The following C2CD3 variants were observed in gnomAD, a reference collection of about 807,000 sequenced individuals.
C2CD3 encodes the protein C2 domain containing 3 centriole elongation regulator.
In C2CD3, 148 loss-of-function variants were observed where a neutral mutation model predicts 234.0. The observed-to-expected ratio is 0.63, with a 90% CI of 0.55 to 0.72. The LOEUF (loss-of-function observed/expected upper bound fraction) is 0.72, where lower values mean the gene tolerates loss of function less well. Ranked by LOEUF, C2CD3 falls within the 30% of genes least tolerant of loss-of-function variation. The probability of loss-of-function intolerance (pLI) is 0.00; values close to 1 mark genes in which losing one functional copy is unlikely to be tolerated. For synonymous variants in C2CD3, 1,000 were observed against 1,035.4 expected (o/e 0.97, Z 0.66); for missense variants, 2,577 against 2,811.5 (o/e 0.92, Z 1.89).
Position 74,034,117 on chromosome 11 carries a change from C to T in C2CD3, c.6043G>A (p.Gly2015Ser), listed in dbSNP as rs1565212264. Reference protein sequence around the residue: ...DEPLVRAPDKGTDSPSPPPLE... With the variant: ...DEPLVRAPDKSTDSPSPPPLE... The stretch of plus-strand genomic sequence containing the variant: ...GGAGGGGGTGATGGGGAATCTGTGC[C>T]TTTATCTGGAGCTCTTACCAATGGC... The change falls in exon 31 of 33, where the codon GGC becomes AGC. Residue 2015 changes from glycine (G) to serine (S), a missense_variant. Coordinates refer to ENST00000334126, the MANE Select transcript of C2CD3 (RefSeq NM_001286577.2). 1 of 1,536,040 alleles carries T rather than the reference C, an allele frequency of 6.5e-7. No individual in the cohort carries two copies. Among genetic ancestry groups the T allele is most frequent in the Admixed American group, 2.0e-5 (1 of 50,974 alleles).
At position 74,164,938 on chromosome 11, in the gene C2CD3, G is replaced by C. The variant is rs1450780447; in HGVS notation, c.326-3382C>G. ...ATACAAAAATTAGGTGAGTGTCGTG[G>C]CATGTGCTTATATTCCCAGTTGCTC... On this transcript the variant is annotated intron_variant, in intron 2 of 32. Coordinates refer to ENST00000334126, the MANE Select transcript of C2CD3 (RefSeq NM_001286577.2). 3.3e-5 allele frequency: 5 copies of C among 152,106 alleles called. No homozygotes were observed. In the East Asian group the frequency reaches 7.7e-4, roughly 23 times the overall value. The allele number at this position is 152,106 out of a possible 1,614,324, so 9.4% of individuals were successfully genotyped here.
intron 13 of C2CD3, among the ~76,000 whole-genome samples, chr11:74,105,836 A>G (rs930665541): frequency 6.6e-6 from 1 of 152,148 alleles, no homozygotes; most frequent in Non-Finnish European, 1.5e-5. Context: ...TTCTCCACAC[A>G]GTAATCTTGT....
At chr11:74,085,542 A>G (rs1955602048) in intron 21 of C2CD3, 76 bp downstream of exon 21, 9 of 1,438,852 alleles carry the variant, frequency 6.3e-6, no homozygotes, top group Non-Finnish European at 8.7e-6. Context: ...TGCAGTATGT[A>G]TCTCCTAGGA....
intron 5 of C2CD3, among the ~76,000 whole-genome samples, chr11:74,136,278 T>G (rs181287899): frequency 1.3e-5 from 2 of 152,264 alleles, no homozygotes; most frequent in Admixed American, 6.5e-5. Flanking sequence ...TCAGACCGAG[T>G]TGAAATCTAC....
chr11:74,092,871 T>G (rs991412949), intron 18 of C2CD3, among the ~76,000 whole-genome samples: 1 of 152,182 alleles, frequency 6.6e-6, no homozygotes, highest in Admixed American at 6.5e-5. Flanking sequence ...AAAGCTTCCA[T>G]CTTGCAGCAG....
chr11:74,078,401 G>T lies in C2CD3; in HGVS notation c.4317C>A (p.Tyr1439Ter). Residue 1439 changes from tyrosine (Y) to a stop codon, truncating the protein, a stop_gained, in exon 23 of 33, where the codon TAC (tyrosine) becomes TAA (stop). Transcript: ENST00000334126. LOFTEE classifies it high-confidence loss of function. ...AAAAGGCTTCATGATCATAGAACTTGTAGCGAAGGTAGCAATATGTATTCT... is the reference window on the plus strand; with the variant it reads ...AAAAGGCTTCATGATCATAGAACTTTTAGCGAAGGTAGCAATATGTATTCT... ...IHKNTYCYLR[Y>*]KFYDHEAFWT... 1 of 1,614,178 alleles carries T rather than the reference G, an allele frequency of 6.2e-7. No individual in the cohort carries two copies. The highest frequency in any genetic ancestry group is 8.5e-7 in the Non-Finnish European group (1 of 1,180,026).
intron 3 of C2CD3, among the ~76,000 whole-genome samples, chr11:74,158,666 G>A (rs183157219): frequency 7.2e-4 from 110 of 151,850 alleles, no homozygotes; most frequent in African/African-American, 2.4e-3. Context: ...AGGTTGTGGG[G>A]AGCCGAGATG....
chr11:74,165,582 T>G (rs1456998889), intron 2 of C2CD3, among the ~76,000 whole-genome samples: 2 of 152,124 alleles, frequency 1.3e-5, no homozygotes, highest in Non-Finnish European at 2.9e-5. Flanking sequence ...ATAGCATACT[T>G]TTTCCAAGTT....
chr11:74,073,112 C>T (rs1344486984), intron 24 of C2CD3, among the ~76,000 whole-genome samples: 1 of 152,082 alleles, frequency 6.6e-6, no homozygotes, highest in Admixed American at 6.5e-5. Context: ...GTGCCATGGA[C>T]TCTGGCAATC....
rs1374071307 is a variant in C2CD3, at chr11:74,033,922, C to T, written c.6238G>A (p.Val2080Met). The change falls in exon 31 of 33, where the codon GTG (valine) becomes ATG (methionine). Residue 2080 changes from valine (V) to methionine (M), a missense_variant. By Grantham distance (21) the Val-to-Met change is conservative (BLOSUM62 1). Coordinates refer to ENST00000334126, the MANE Select transcript of C2CD3 (RefSeq NM_001286577.2). ...GACCAAGGGCTAGTTTTGTCTGTCA[C>T]CGTGGTGATCTCATTTAAGGTCCTG... ...EPRTLNEITTVTDKTSPWSSV... is the reference protein window; with the variant it reads ...EPRTLNEITTMTDKTSPWSSV... 2 of 1,536,104 alleles carry T rather than the reference C, an allele frequency of 1.3e-6. No homozygotes were observed. The highest frequency in any genetic ancestry group is 2.7e-5 in the African/African-American group (2 of 73,010).
chr11:74,030,659 G>T (rs1465174474), intron 31 of C2CD3, among the ~76,000 whole-genome samples: 1 of 152,092 alleles, frequency 6.6e-6, no homozygotes, highest in Non-Finnish European at 1.5e-5. Context: ...CTGTGTGTTT[G>T]GTTCCCCCTT....
At chr11:74,092,043 T>C (rs1387445172) in intron 19 of C2CD3, among the ~76,000 whole-genome samples, 2 of 151,556 alleles carry the variant, frequency 1.3e-5, no homozygotes, top group African/African-American at 2.4e-5. Flanking sequence ...TGTGTGTGTG[T>C]GTGTATATAT....
In C2CD3 at chr11:74,063,373, T is replaced by C. The variant is rs182877416; in HGVS notation, c.4952-5829A>G. Among the ~76,000 whole-genome samples the C allele has an allele frequency of 9.4e-3, 1,436 of 152,050 alleles. 18 individuals are homozygous for C. Among genetic ancestry groups the C allele is most frequent in the African/African-American group, 0.032 (1,347 of 41,468 alleles). ...TCCCTGATGAACATCAATGCAAAAA[T>C]CCTCAATAAAATACTGGCAAACCGA... is the stretch of plus-strand genomic sequence containing the variant. On this transcript the variant is annotated intron_variant, in intron 24 of 32. Transcript: ENST00000334126.
At position 74,033,497 on chromosome 11, in the gene C2CD3, A is replaced by C; in HGVS notation, c.6663T>G (p.Ser2221=). The C allele has an allele frequency of 6.5e-7, 1 of 1,536,212 alleles. No homozygotes were observed. Among genetic ancestry groups the C allele is most frequent in the Non-Finnish European group, 8.7e-7 (1 of 1,146,916 alleles). ...GCGGCAACTTCTTGAAGCTATCAGC[A>C]GAGTCACCGAGCTCACTGGTGGCAG... is the stretch of plus-strand genomic sequence containing the variant. ...NEAATSELGD[S]ADSFKKLPLN... The change falls in exon 31 of 33, where the codon TCT becomes TCG. Residue 2221 remains serine (S), a synonymous_variant. Transcript: ENST00000334126.
chr11:74,017,330 CA>C (rs1951916109), intron 32 of C2CD3, among the ~76,000 whole-genome samples: 1 of 152,180 alleles, frequency 6.6e-6, no homozygotes, highest in South Asian at 2.1e-4. Flanking sequence ...GGCAGTAGGC[CA>C]GGGGCTTTCA....
At chr11:74,059,294 C>T (rs1803679338) in intron 24 of C2CD3, among the ~76,000 whole-genome samples, 1 of 151,356 alleles carries the variant, frequency 6.6e-6, no homozygotes, top group Admixed American at 6.6e-5. Flanking sequence ...GCCTGTAGTC[C>T]CAGCTACTTG....
At chr11:74,150,508 A>C (rs1412636589) in intron 3 of C2CD3, among the ~76,000 whole-genome samples, 11 of 76,182 alleles carry the variant, frequency 1.4e-4, no homozygotes, top group Non-Finnish European at 2.6e-4. Flanking sequence ...AAAAAAAAAA[A>C]AAAAAAACAA....
intron 32 of C2CD3, among the ~76,000 whole-genome samples, chr11:74,026,449 G>A (rs1416328691): frequency 6.6e-6 from 1 of 152,220 alleles, no homozygotes; most frequent in Non-Finnish European, 1.5e-5. Context: ...TCAGGCATCT[G>A]ATGCTTCTCT....
chr11:74,101,111 T>A (rs1287935858), intron 14 of C2CD3, among the ~76,000 whole-genome samples: 2 of 152,218 alleles, frequency 1.3e-5, no homozygotes, highest in Non-Finnish European at 2.9e-5. Flanking sequence ...ACTGGCTGGA[T>A]AGCATTTAAT....
Sources: gnomAD v4.1 joint callset for allele counts (sites outside exome capture counted in the v4.1 genomes callset) on GRCh38, gnomAD v4.1.1 for gene constraint, MANE v1.5 for transcripts, NCBI Gene and HGNC (gene_info 2026-07-23, HGNC 2026-07-21) for gene names.